Variants in PARVB observed in about 807,000 individuals in gnomAD.
The protein encoded by PARVB is beta-parvin.
Under a neutral mutation model 47.0 loss-of-function variants are expected in PARVB, and 46 were observed. The observed-to-expected ratio is 0.98, with a 90% confidence interval of 0.77 to 1.25. PARVB has a LOEUF of 1.25. Among genes scored for constraint, PARVB ranks in the 50% most tolerant of loss-of-function variants. The probability of loss-of-function intolerance (pLI) is 0.00; values close to 1 mark genes in which losing one functional copy is unlikely to be tolerated. For synonymous variants in PARVB, 196 were observed against 196.3 expected (o/e 1.00, Z 0.01); for missense variants, 473 against 471.6 (o/e 1.00, Z -0.03).
chr22:44,079,015 C>T (rs578195543), intron 1 of PARVB, among the ~76,000 whole-genome samples: 1 of 152,350 alleles, frequency 6.6e-6, no homozygotes, highest in Non-Finnish European at 1.5e-5. Context: ...GCGTGAGCCA[C>T]CGCGCCCGGC....
chr22:44,001,486 TC>T (rs1198134188), intron 2 of PARVB, among the ~76,000 whole-genome samples: 1 of 152,150 alleles, frequency 6.6e-6, no homozygotes, highest in Non-Finnish European at 1.5e-5. Flanking sequence ...TTGGGAAAAA[TC>T]TAAAACAAAG....
chr22:44,131,812 G>A (rs1268319651), intron 5 of PARVB, among the ~76,000 whole-genome samples, 185 bp downstream of exon 5: 1 of 152,154 alleles, frequency 6.6e-6, no homozygotes, highest in Non-Finnish European at 1.5e-5. Flanking sequence ...GAAGGGTTAG[G>A]GAGATCCTAG....
At chr22:44,102,118 A>AG (rs1228721500) in intron 3 of PARVB, among the ~76,000 whole-genome samples, 4 of 152,228 alleles carry the variant, frequency 2.6e-5, no homozygotes, top group Non-Finnish European at 5.9e-5. Flanking sequence ...TAGAGATGCC[A>AG]GCCTGCGTCT....
intron 1 of PARVB, among the ~76,000 whole-genome samples, chr22:44,040,562 A>C (rs1178990170): frequency 6.6e-6 from 1 of 152,192 alleles, no homozygotes; most frequent in East Asian, 1.9e-4. Flanking sequence ...ATGTGGGGCC[A>C]GGAGCCAAGG....
intron 1 of PARVB, among the ~76,000 whole-genome samples, chr22:44,082,537 A>C (rs1196062742): frequency 1.3e-5 from 2 of 152,034 alleles, no homozygotes; most frequent in African/African-American, 4.8e-5. Context: ...AAACAAAAAC[A>C]AAAAACAAAA....
At chr22:44,119,814 G>A in intron 4 of PARVB, 1 of 532,876 alleles carries the variant, frequency 1.9e-6, no homozygotes, top group Non-Finnish European at 3.8e-6. Flanking sequence ...CTTGTGATGA[G>A]GGCCTTCGGA....
intron 4 of PARVB, among the ~76,000 whole-genome samples, chr22:44,129,196 G>A (rs1164448247): frequency 6.6e-6 from 1 of 152,226 alleles, no homozygotes; most frequent in Non-Finnish European, 1.5e-5. Flanking sequence ...ACACAGACAT[G>A]CACAGAGGGA....
chr22:44,147,024 C>T (rs990511524), intron 8 of PARVB: 1 of 155,026 alleles, frequency 6.5e-6, no homozygotes, highest in African/African-American at 2.4e-5. Flanking sequence ...GGGTCCAAGT[C>T]TCTGTTCCAT....
intron 1 of PARVB, among the ~76,000 whole-genome samples, chr22:44,044,247 A>G (rs1234522091): frequency 6.7e-6 from 1 of 148,490 alleles, no homozygotes; most frequent in African/African-American, 2.5e-5. Flanking sequence ...CTGGAGTGCA[A>G]TGGCCCGATC....
At chr22:44,079,719 G>T (rs1601570659) in intron 1 of PARVB, among the ~76,000 whole-genome samples, 1 of 152,186 alleles carries the variant, frequency 6.6e-6, no homozygotes, top group African/African-American at 2.4e-5. Context: ...CTTGAGGTCA[G>T]GAGTTCGAGA....
At chr22:44,104,793 G>A (rs773444564) in intron 3 of PARVB, 2 of 152,246 alleles carry the variant, frequency 1.3e-5, no homozygotes, top group Non-Finnish European at 2.9e-5. Flanking sequence ...GGTGAAAGGG[G>A]ACATCCCACA....
intron 1 of PARVB, among the ~76,000 whole-genome samples, chr22:44,053,639 C>T (rs1308355623): frequency 3.5e-4 from 53 of 152,142 alleles, no homozygotes; most frequent in Admixed American, 3.5e-3. Context: ...GTTCTGACTC[C>T]ACCTACCTGG....
chr22:44,087,938 GT>G (rs1396199525), intron 1 of PARVB, among the ~76,000 whole-genome samples: 3 of 145,490 alleles, frequency 2.1e-5, no homozygotes, highest in Non-Finnish European at 4.5e-5. Context: ...CACCATTATA[GT>G]TACTCAAAGC....
chr22:44,090,885 T>C (rs2052151142), intron 1 of PARVB, among the ~76,000 whole-genome samples: 1 of 152,244 alleles, frequency 6.6e-6, no homozygotes, highest in African/African-American at 2.4e-5. Context: ...AGGATTTCTG[T>C]GAAAAATCAC....
At chr22:44,072,734 C>T (rs974459344) in intron 1 of PARVB, among the ~76,000 whole-genome samples, 3 of 152,114 alleles carry the variant, frequency 2.0e-5, no homozygotes, top group Admixed American at 6.5e-5. Context: ...TGAACCATCG[C>T]GCCTGGCCCA....
At chr22:44,104,918 G>C (rs2052533870) in intron 3 of PARVB, 1 of 152,280 alleles carries the variant, frequency 6.6e-6, no homozygotes, top group Admixed American at 6.5e-5. Flanking sequence ...CACCCTCACA[G>C]TTACAGTTTC....
intron 2 of PARVB, among the ~76,000 whole-genome samples, chr22:44,013,160 A>G (rs950188808): frequency 6.6e-6 from 1 of 152,046 alleles, no homozygotes; most frequent in African/African-American, 2.4e-5. Flanking sequence ...GGCCTCCCAA[A>G]GTGCTGGGAT....
chr22:44,002,117 G>A (rs1410092753), intron 2 of PARVB, among the ~76,000 whole-genome samples: 3 of 152,210 alleles, frequency 2.0e-5, no homozygotes, highest in African/African-American at 4.8e-5. Flanking sequence ...CTTTTGCATC[G>A]TGAGTGCAAA....
chr22:44,096,051 C>G (rs565544878), intron 2 of PARVB, among the ~76,000 whole-genome samples: 1 of 152,196 alleles, frequency 6.6e-6, no homozygotes, highest in Non-Finnish European at 1.5e-5. Flanking sequence ...TGGCAAAACC[C>G]TGTCTCTACT....
Sources: gnomAD v4.1 joint callset for allele counts (sites outside exome capture counted in the v4.1 genomes callset) on GRCh38, gnomAD v4.1.1 for gene constraint, MANE v1.5 for transcripts, NCBI Gene and HGNC (gene_info 2026-07-23, HGNC 2026-07-21) for gene names.